The following AXDND1 variants were observed in gnomAD, a reference collection of about 807,000 sequenced individuals.
AXDND1 encodes the protein axonemal dynein light chain domain containing 1, also known as axonemal dynein light chain domain-containing protein 1.
Under a neutral mutation model 137.5 loss-of-function variants are expected in AXDND1, and 110 were observed. That is an observed-to-expected ratio of 0.80 (90% CI 0.69 to 0.94). AXDND1 has a LOEUF of 0.94. Among genes scored for constraint, AXDND1 ranks in the 40% least tolerant of loss-of-function variants. The pLI is 0.00. For synonymous variants in AXDND1, 414 were observed against 399.7 expected (o/e 1.04, Z -0.43); for missense variants, 1,191 against 1,169.8 (o/e 1.02, Z -0.26).
At chr1:179,367,566 G>C (rs568634420) in intron 2 of AXDND1, among the ~76,000 whole-genome samples, 1 of 150,972 alleles carries the variant, frequency 6.6e-6, no homozygotes, top group African/African-American at 2.4e-5. Flanking sequence ...GTGAAACCCG[G>C]TCTCTACTAA....
rs775271776 is a variant in AXDND1, at chr1:179,393,875, A to G, written c.864-28A>G. On this transcript the variant is annotated intron_variant, in intron 9 of 25. Transcript: ENST00000367618. ...TTTACTAAATTCATTTATCAGATCT[A>G]GGAGCTTTTTGGTTGTTTGTCATGC... is the stretch of plus-strand genomic sequence containing the variant. 3 of 1,565,312 alleles carry G rather than the reference A, an allele frequency of 1.9e-6. No homozygotes were observed. In the South Asian group the frequency reaches 3.6e-5, roughly 19 times the overall value.
At chr1:179,382,595 G>T (rs1024793842) in intron 6 of AXDND1, 105 bp from the exon 7 acceptor site, 3 of 730,690 alleles carry the variant, frequency 4.1e-6, no homozygotes, top group Non-Finnish European at 7.0e-6. Flanking sequence ...CCTTTTAGTG[G>T]AGAATGGTAC....
intron 25 of AXDND1, among the ~76,000 whole-genome samples, chr1:179,539,018 T>C (rs1370034009): frequency 6.9e-6 from 1 of 144,468 alleles, no homozygotes; most frequent in Non-Finnish European, 1.5e-5. Flanking sequence ...TTTCAACCCC[T>C]TTTTTTTGTT....
At chr1:179,382,072 G>A (rs1449678856) in intron 6 of AXDND1, among the ~76,000 whole-genome samples, 1 of 149,920 alleles carries the variant, frequency 6.7e-6, no homozygotes. Context: ...ACCACGCCCA[G>A]CCCTTTATTT....
rs182344137 is a variant in AXDND1, at chr1:179,442,359, C to T, written c.1564-2611C>T. Among the ~76,000 whole-genome samples the T allele has an allele frequency of 3.5e-4, 54 of 152,258 alleles. No individual in the cohort carries two copies. In the East Asian group the frequency reaches 0.01, roughly 29 times the overall value. ...AGGAGATAATGGCAGAAGTACAGTA[C>T]GAACTAAACTCCACGTGGAGAAAAC... On this transcript the variant is annotated intron_variant, in intron 15 of 25. Transcript: ENST00000367618.
intron 20 of AXDND1, among the ~76,000 whole-genome samples, chr1:179,503,549 T>A (rs766137451): frequency 2.4e-4 from 37 of 151,880 alleles, no homozygotes; most frequent in African/African-American, 4.1e-4. Context: ...TTTTTATTTT[T>A]ATTTTAATTT....
At chr1:179,541,472 C>T (rs528420949) in intron 25 of AXDND1, among the ~76,000 whole-genome samples, 3 of 143,354 alleles carry the variant, frequency 2.1e-5, no homozygotes, top group Non-Finnish European at 4.6e-5. Flanking sequence ...CCGGAAAATC[C>T]GTTTTTGTTT....
At chr1:179,378,473 A>G (rs1647661191) in intron 4 of AXDND1, among the ~76,000 whole-genome samples, 164 bp from the exon 5 acceptor site, 1 of 152,188 alleles carries the variant, frequency 6.6e-6, no homozygotes, top group South Asian at 2.1e-4. Context: ...GGGGGAACTC[A>G]TGTTTAATGC....
intron 14 of AXDND1, among the ~76,000 whole-genome samples, chr1:179,431,665 C>T (rs1657406359): frequency 6.6e-6 from 1 of 151,754 alleles, no homozygotes; most frequent in Admixed American, 6.6e-5. Flanking sequence ...TAAAGGTTTC[C>T]CCATTAGTAG....
chr1:179,437,289 C>A (rs1044258289), intron 15 of AXDND1, among the ~76,000 whole-genome samples: 1 of 152,004 alleles, frequency 6.6e-6, no homozygotes, highest in Non-Finnish European at 1.5e-5. Flanking sequence ...AAAGAGATAG[C>A]GAGAAAGGGG....
chr1:179,526,217 G>A (rs1013601884), intron 22 of AXDND1, among the ~76,000 whole-genome samples: 8 of 151,746 alleles, frequency 5.3e-5, no homozygotes, highest in Non-Finnish European at 8.8e-5. Context: ...CTCAACCCCC[G>A]CAGGGGCATT....
chr1:179,395,188 G>A lies in AXDND1; in HGVS notation c.1095G>A (p.Ala365=), dbSNP rs767784537. ...ATTTGGCACAAGCTCTTTTAAATGCGGAAAAGAATGCCAAGTGAGTTGCTT... is the reference window on the plus strand; with the variant it reads ...ATTTGGCACAAGCTCTTTTAAATGCAGAAAAGAATGCCAAGTGAGTTGCTT... ...HKDLAQALLN[A]EKNAKIVEEY... Residue 365 remains alanine (A), a synonymous_variant, in exon 11 of 26, where the codon GCG becomes GCA. Transcript: ENST00000367618. 1.9e-5 allele frequency: 30 copies of A among 1,612,016 alleles called. No individual in the cohort carries two copies. The highest frequency in any genetic ancestry group is 6.7e-5 in the Admixed American group (4 of 59,598).
chr1:179,513,614 C>G (rs1371194744), intron 21 of AXDND1, among the ~76,000 whole-genome samples: 1 of 151,982 alleles, frequency 6.6e-6, no homozygotes, highest in Non-Finnish European at 1.5e-5. Flanking sequence ...TTTTCTCTAT[C>G]TTGTGGAATA....
At chr1:179,400,904 CAAAAAAAAAAAA>C in intron 11 of AXDND1, among the ~76,000 whole-genome samples, 1 of 53,680 alleles carries the variant, frequency 1.9e-5, no homozygotes, top group South Asian at 1.1e-3. Context: ...GACTCTGTCT[CAAAAAAAAAAAA>C]AAAAAAAAAA....
intron 15 of AXDND1, among the ~76,000 whole-genome samples, chr1:179,441,671 C>T (rs189967328): frequency 3.9e-5 from 6 of 152,270 alleles, no homozygotes; most frequent in Non-Finnish European, 7.4e-5. Context: ...ACTGGGACTC[C>T]CTCTTCAGGA....
chr1:179,400,894 G>A, intron 11 of AXDND1, among the ~76,000 whole-genome samples: 1 of 96,718 alleles, frequency 1.0e-5, no homozygotes, highest in Admixed American at 1.5e-4. Flanking sequence ...AACAGAGCGA[G>A]ACTCTGTCTC....
Position 179,528,386 on chromosome 1 carries a change from T to A in AXDND1, c.2670T>A (p.Asn890Lys), listed in dbSNP as rs760815235. The change falls in exon 23 of 26, where the codon AAT (asparagine) becomes AAA (lysine). Residue 890 changes from asparagine (N) to lysine (K), a missense_variant. By Grantham distance (94) the Asn-to-Lys change is moderately conservative. Coordinates refer to ENST00000367618, the MANE Select transcript of AXDND1 (RefSeq NM_144696.6). ...TTCGATTCATTGGAGAAGATGAAAA[T>A]GTTCATTCCAAACCTCTATTTGAAA... ...KLIRFIGEDE[N>K]VHSKPLFETD... 2.5e-6 allele frequency: 4 copies of A among 1,614,016 alleles called. No individual in the cohort carries two copies.
intron 16 of AXDND1, among the ~76,000 whole-genome samples, chr1:179,462,728 G>T (rs1269328299): frequency 6.6e-6 from 1 of 151,082 alleles, no homozygotes; most frequent in Non-Finnish European, 1.5e-5. Flanking sequence ...TTATTTATTG[G>T]TCTATTCAGG....
chr1:179,408,311 T>C lies in AXDND1; in HGVS notation c.1110-2835T>C, dbSNP rs555605334. On this transcript the variant is annotated intron_variant, in intron 11 of 25. Transcript: ENST00000367618. ...GTTACTAGATAATTATTTTTTCATG[T>C]TTCCTATGTTCTTACTTTGCTATCT... Among the ~76,000 whole-genome samples, 4 of 152,288 alleles carry C rather than the reference T, an allele frequency of 2.6e-5. No individual in the cohort carries two copies. In the South Asian group the frequency reaches 8.3e-4, roughly 32 times the overall value.
Sources: allele counts gnomAD v4.1 joint callset (sites outside exome capture counted in the v4.1 genomes callset), GRCh38; gene constraint gnomAD v4.1.1; transcripts MANE v1.5; gene names NCBI Gene and HGNC (gene_info 2026-07-23, HGNC 2026-07-21).